Variants in NAALADL2 observed in about 807,000 individuals in gnomAD.
The protein encoded by NAALADL2 is inactive N-acetylated-alpha-linked acidic dipeptidase-like protein 2.
A neutral mutation model predicts 87.2 loss-of-function variants in NAALADL2; 76 were observed. That is an observed-to-expected ratio of 0.87 (90% CI 0.72 to 1.05). The LOEUF (loss-of-function observed/expected upper bound fraction) is 1.05, where lower values mean the gene tolerates loss of function less well. NAALADL2 is among the 50% of genes least tolerant of loss of function. The pLI is 0.00. For missense variants in NAALADL2, 1,089 were observed against 945.8 expected (o/e 1.15, Z -1.99); for synonymous variants, 354 against 331.0 (o/e 1.07, Z -0.75).
At chr3:174,927,292 A>C (rs1736209893) in intron 1 of NAALADL2, among the ~76,000 whole-genome samples, 1 of 152,214 alleles carries the variant, frequency 6.6e-6, no homozygotes, top group East Asian at 1.9e-4. Flanking sequence ...AACATTAGAC[A>C]GATCAACGGG....
chr3:175,136,247 TAA>T (rs1253867342), intron 2 of NAALADL2, among the ~76,000 whole-genome samples: 1 of 152,106 alleles, frequency 6.6e-6, no homozygotes, highest in Non-Finnish European at 1.5e-5. Context: ...AGACAGGACA[TAA>T]GTCAGATTGT....
At chr3:175,276,477 G>A (rs1456101256) in intron 4 of NAALADL2, among the ~76,000 whole-genome samples, 2 of 151,708 alleles carry the variant, frequency 1.3e-5, no homozygotes, top group East Asian at 1.9e-4. Context: ...CTAGTTTTTT[G>A]TATTTTTACT....
chr3:175,653,487 C>A (rs1356536125), intron 11 of NAALADL2, among the ~76,000 whole-genome samples: 2 of 152,152 alleles, frequency 1.3e-5, no homozygotes, highest in Non-Finnish European at 2.9e-5. Flanking sequence ...TCCATCAAGT[C>A]TTCTGTTCAT....
At chr3:175,505,209 G>A (rs1284365994) in intron 9 of NAALADL2, among the ~76,000 whole-genome samples, 4 of 151,392 alleles carry the variant, frequency 2.6e-5, no homozygotes, top group Admixed American at 6.6e-5. Context: ...GTGTTGCAGT[G>A]AGCTATGATC....
intron 9 of NAALADL2, among the ~76,000 whole-genome samples, chr3:175,575,518 C>T (rs563864670): frequency 4.6e-5 from 7 of 152,192 alleles, no homozygotes; most frequent in Non-Finnish European, 8.8e-5. Context: ...CTGCTAACCT[C>T]AGGTGACCCG....
rs117534406 is a variant in NAALADL2 at position 174,504,540 on chromosome 3, A to T, written c.-183-46029A>T. On this transcript the variant is annotated intron_variant, in intron 1 of 3. Coordinates refer to the NAALADL2 transcript ENST00000434257. ...GACTTGTCTCTAGGCCTCCATCCTA[A>T]CTGTTTAAACATTGTCTTCTGTTTC... Among the ~76,000 whole-genome samples the T allele has an allele frequency of 5.9e-5, 9 of 152,176 alleles. No homozygotes were observed. In the East Asian group the frequency reaches 1.7e-3, roughly 29 times the overall value.
chr3:175,480,000 G>A (rs1347923004), intron 9 of NAALADL2, among the ~76,000 whole-genome samples: 1 of 151,788 alleles, frequency 6.6e-6, no homozygotes, highest in Non-Finnish European at 1.5e-5. Context: ...CTGCACTGAT[G>A]TAGGGAAGAG....
intron 10 of NAALADL2, among the ~76,000 whole-genome samples, chr3:175,620,826 T>C (rs1035003190): frequency 2.6e-5 from 4 of 152,168 alleles, no homozygotes; most frequent in Non-Finnish European, 5.9e-5. Flanking sequence ...AAATGAGGTA[T>C]GCGGACACAG....
chr3:175,404,455 C>G (rs751234791), intron 5 of NAALADL2, among the ~76,000 whole-genome samples: 2 of 152,108 alleles, frequency 1.3e-5, no homozygotes, highest in Non-Finnish European at 2.9e-5. Flanking sequence ...GAAGGAAGAT[C>G]AGTTGCAAAA....
chr3:174,939,008 T>G (rs999100312), intron 1 of NAALADL2, among the ~76,000 whole-genome samples: 3 of 152,134 alleles, frequency 2.0e-5, no homozygotes, highest in Admixed American at 6.6e-5. Context: ...AGCTCTTAAG[T>G]TTAATTAGAT....
intron 2 of NAALADL2, among the ~76,000 whole-genome samples, chr3:175,198,079 T>C (rs942183240): frequency 3.9e-5 from 6 of 152,226 alleles, no homozygotes; most frequent in Admixed American, 1.3e-4. Context: ...AAGTTTTGAA[T>C]CCCTGGCTTT....
In NAALADL2 at chr3:175,410,311, A is replaced by G. The variant is rs1413074357; in HGVS notation, c.1091-36918A>G. On this transcript the variant is annotated intron_variant, in intron 5 of 13. Transcript: ENST00000454872. Reference sequence around the variant, plus strand: ...GTACATACACTATTTTAATAGAAACATTTCTTAAAAGTTGTTTATCTTTTG... The same window carrying G: ...GTACATACACTATTTTAATAGAAACGTTTCTTAAAAGTTGTTTATCTTTTG... Among the ~76,000 whole-genome samples the G allele has an allele frequency of 2.0e-5, 3 of 152,242 alleles. No individual in the cohort carries two copies. The East Asian group carries it at 5.8e-4, about 29-fold the overall frequency.
At chr3:174,857,572 T>C (rs1725993801), upstream of NAALADL2, among the ~76,000 whole-genome samples, 1 of 152,160 alleles carries the variant, frequency 6.6e-6, no homozygotes, top group Non-Finnish European at 1.5e-5. Flanking sequence ...TTGATATGTG[T>C]GTTGGTCCTT....
intron 5 of NAALADL2, among the ~76,000 whole-genome samples, chr3:175,343,319 A>T (rs1762758264): frequency 6.6e-6 from 1 of 152,140 alleles, no homozygotes; most frequent in East Asian, 1.9e-4. Flanking sequence ...CACACATGAA[A>T]AAAAATGAAG....
chr3:174,829,097 T>TTTGTTGTTG (rs143504378), intron 3 of NAALADL2, among the ~76,000 whole-genome samples: 2 of 150,264 alleles, frequency 1.3e-5, no homozygotes, highest in Non-Finnish European at 1.5e-5. Context: ...TCTGTTTTTT[T>TTTGTTGTTG]TTGTTGTTGT....
intron 1 of NAALADL2, among the ~76,000 whole-genome samples, chr3:174,922,928 C>T (rs1388789535): frequency 6.6e-6 from 1 of 152,156 alleles, no homozygotes; most frequent in Non-Finnish European, 1.5e-5. Context: ...AAGCAGAAGT[C>T]TTCAACGATT....
At chr3:175,076,447 T>C (rs1237169376) in intron 1 of NAALADL2, among the ~76,000 whole-genome samples, 1 of 151,538 alleles carries the variant, frequency 6.6e-6, no homozygotes, top group African/African-American at 2.4e-5. Context: ...CAGTGTGTAA[T>C]ATAGACTATT....
chr3:175,243,342 ACACG>A (rs1553830157), intron 3 of NAALADL2, among the ~76,000 whole-genome samples: 7 of 150,956 alleles, frequency 4.6e-5, no homozygotes, highest in Admixed American at 1.3e-4. Context: ...ACACACACAC[ACACG>A]CACGCACACA....
At chr3:175,719,563 G>A (rs1741929266) in intron 11 of NAALADL2, among the ~76,000 whole-genome samples, 2 of 152,116 alleles carry the variant, frequency 1.3e-5, no homozygotes, top group Admixed American at 1.3e-4. Flanking sequence ...CTGCTTTACA[G>A]TAATATTTTT....
Sources: allele counts gnomAD v4.1 joint callset (sites outside exome capture counted in the v4.1 genomes callset), GRCh38; gene constraint gnomAD v4.1.1; transcripts MANE v1.5; gene names NCBI Gene and HGNC (gene_info 2026-07-23, HGNC 2026-07-21).